The following PLBD1 variants were observed in gnomAD, a reference collection of about 807,000 sequenced individuals.
The protein encoded by PLBD1 is phospholipase B domain containing 1.
Under a neutral mutation model 63.0 loss-of-function variants are expected in PLBD1, and 60 were observed. The observed-to-expected ratio is 0.95, with a 90% confidence interval of 0.77 to 1.18. The LOEUF (loss-of-function observed/expected upper bound fraction) is 1.18. Among genes scored for constraint, PLBD1 ranks in the 50% most tolerant of loss-of-function variants. PLBD1 has a pLI of 0.00. For missense variants in PLBD1, 598 were observed against 677.9 expected (o/e 0.88, Z 1.31); for synonymous variants, 262 against 248.0 (o/e 1.06, Z -0.53).
chr12:14,510,720 C>T (rs745618457), intron 8 of PLBD1, among the ~76,000 whole-genome samples: 9 of 152,142 alleles, frequency 5.9e-5, no homozygotes, highest in African/African-American at 1.2e-4. Flanking sequence ...AATGTCTGGA[C>T]TCCTTCTTGC....
chr12:14,562,636 C>T (rs1376991968), intron 1 of PLBD1, among the ~76,000 whole-genome samples: 2 of 152,118 alleles, frequency 1.3e-5, no homozygotes, highest in Admixed American at 6.6e-5. Context: ...ATTATTAACA[C>T]ATTTTCTAGT....
chr12:14,553,693 A>G, intron 1 of PLBD1: 1 of 490,740 alleles, frequency 2.0e-6, no homozygotes. Flanking sequence ...AGAGGGTGGG[A>G]ATCTGGGCAG....
At chr12:14,540,013 C>CTTAATTATATATATAT (rs1555147086) in intron 4 of PLBD1, among the ~76,000 whole-genome samples, 1 of 22,778 alleles carries the variant, frequency 4.4e-5, no homozygotes, top group African/African-American at 9.8e-5. Flanking sequence ...AAGCTATGCA[C>CTTAATTATATATATAT]ATATATATAT....
intron 2 of PLBD1, among the ~76,000 whole-genome samples, chr12:14,545,645 G>A (rs1040102359): frequency 6.6e-6 from 1 of 152,114 alleles, no homozygotes; most frequent in Non-Finnish European, 1.5e-5. Context: ...CCAAGAATGG[G>A]AATTTGGCTC....
chr12:14,532,156 A>AGAAGCCTATAAGTC (rs1945470445), intron 6 of PLBD1, among the ~76,000 whole-genome samples: 3 of 152,200 alleles, frequency 2.0e-5, no homozygotes, highest in Non-Finnish European at 4.4e-5. Flanking sequence ...TCGAGCTGGA[A>AGAAGCCTATAAGTC]GAGCTGTCCC....
At chr12:14,513,604 CT>C (rs1474276187) in intron 6 of PLBD1, among the ~76,000 whole-genome samples, 2 of 152,112 alleles carry the variant, frequency 1.3e-5, no homozygotes, top group Non-Finnish European at 2.9e-5. Flanking sequence ...TAGTTTCCTG[CT>C]TGCCTCTAAT....
At chr12:14,534,858 C>A (rs746573929) in intron 6 of PLBD1, among the ~76,000 whole-genome samples, 7 of 152,116 alleles carry the variant, frequency 4.6e-5, no homozygotes, top group Non-Finnish European at 8.8e-5. Flanking sequence ...TTAAACCAGT[C>A]CTGCTTTATT....
chr12:14,507,128 A>C lies in PLBD1; in HGVS notation c.1187-10T>G. 6.3e-7 allele frequency: 1 copy of C among 1,580,758 alleles called. No homozygotes were observed. Among genetic ancestry groups the C allele is most frequent in the Non-Finnish European group, 8.7e-7 (1 of 1,153,468 alleles). ...TAGGAGGGCCAATATCCTGATTTGG[A>C]ATGGAAGGGAAGTAAGGGAGGGATT... On this transcript the variant is annotated splice_polypyrimidine_tract_variant and intron_variant, in intron 8 of 10. Transcript: ENST00000240617.
At position 14,553,231 on chromosome 12, in the gene PLBD1, C is replaced by A. The variant is rs747688399; in HGVS notation, c.297G>T (p.Met99Ile). The change falls in exon 2 of 11, where the codon ATG becomes ATT. Residue 99 changes from methionine to isoleucine, a missense_variant. By Grantham distance (10) the Met-to-Ile change is conservative. Coordinates refer to ENST00000240617, the MANE Select transcript of PLBD1 (RefSeq NM_024829.6). ...AACCCTCCAAAAAGCCAGCCACAAA[C>A]ATGATGATCTCATTGCTCAGGGTTT... ...GSQTLSNEIIMFVAGFLEGYL... is the reference protein window; with the variant it reads ...GSQTLSNEIIIFVAGFLEGYL... The A allele has an allele frequency of 1.2e-5, 19 of 1,613,812 alleles. No homozygotes were observed. The highest frequency in any genetic ancestry group is 1.7e-6 in the Non-Finnish European group (2 of 1,179,970).
At chr12:14,535,389 G>T (rs1239520054) in intron 6 of PLBD1, among the ~76,000 whole-genome samples, 1 of 152,188 alleles carries the variant, frequency 6.6e-6, no homozygotes, top group African/African-American at 2.4e-5. Flanking sequence ...TACATACTCA[G>T]TTGGCATTTG....
At chr12:14,520,311 A>G (rs947210867) in intron 6 of PLBD1, among the ~76,000 whole-genome samples, 1 of 152,222 alleles carries the variant, frequency 6.6e-6, no homozygotes, top group Non-Finnish European at 1.5e-5. Context: ...AGCTGCCAAC[A>G]TCTTTCACTG....
chr12:14,506,342 G>A (rs1434534285), intron 9 of PLBD1, 74 bp from the exon 10 acceptor site: 2 of 1,114,876 alleles, frequency 1.8e-6, no homozygotes, highest in Admixed American at 4.1e-5. Flanking sequence ...AAGGTTTTGA[G>A]GCCTGTTAAA....
chr12:14,542,024 G>C (rs1945576387), intron 3 of PLBD1, among the ~76,000 whole-genome samples, 184 bp downstream of exon 3: 1 of 152,198 alleles, frequency 6.6e-6, no homozygotes, highest in South Asian at 2.1e-4. Flanking sequence ...TGAAATTAGA[G>C]AGCATGTTGT....
chr12:14,529,670 A>G (rs992305308), intron 6 of PLBD1, among the ~76,000 whole-genome samples: 18 of 152,318 alleles, frequency 1.2e-4, no homozygotes, highest in African/African-American at 4.3e-4. Context: ...TTAACATCAT[A>G]CTTAATGGTG....
chr12:14,514,278 G>T (rs549193080), intron 6 of PLBD1, among the ~76,000 whole-genome samples: 3 of 152,142 alleles, frequency 2.0e-5, no homozygotes, highest in South Asian at 2.1e-4. Flanking sequence ...GATTGCATTC[G>T]TGTCTTGGGC....
Position 14,540,904 on chromosome 12 carries a change from T to C in PLBD1, c.420-2A>G, listed in dbSNP as rs1364341113. The C allele has an allele frequency of 1.9e-6, 3 of 1,591,938 alleles. No individual in the cohort carries two copies. The highest frequency in any genetic ancestry group is 2.6e-6 in the Non-Finnish European group (3 of 1,164,072). On this transcript the variant is annotated splice_acceptor_variant, in intron 3 of 10. Coordinates refer to ENST00000240617, the MANE Select transcript of PLBD1 (RefSeq NM_024829.6). LOFTEE classifies it high-confidence loss of function. ...TTCCGGGTCCACTTATCTTGCTTCC[T>C]GGAAGAGAAATTAGATTTGCACCAC... is the stretch of plus-strand genomic sequence containing the variant.
intron 1 of PLBD1, among the ~76,000 whole-genome samples, chr12:14,559,163 G>C (rs558589442): frequency 1.2e-4 from 18 of 152,228 alleles, no homozygotes; most frequent in African/African-American, 4.3e-4. Flanking sequence ...ATAGTGAAAA[G>C]GTAGAAAAAT....
chr12:14,515,677 T>A (rs78871400), intron 6 of PLBD1, among the ~76,000 whole-genome samples: 2,853 of 152,302 alleles, frequency 0.019, 88 homozygotes, highest in African/African-American at 0.066. Context: ...GGCAATTTTA[T>A]AGATTATGAA....
chr12:14,518,857 G>A (rs1945354483), intron 6 of PLBD1, among the ~76,000 whole-genome samples: 1 of 151,874 alleles, frequency 6.6e-6, no homozygotes, highest in South Asian at 2.1e-4. Context: ...TTGGCCTGAA[G>A]GTTAGTAAAA....
Sources: gnomAD v4.1 joint callset for allele counts (sites outside exome capture counted in the v4.1 genomes callset) on GRCh38, gnomAD v4.1.1 for gene constraint, MANE v1.5 for transcripts, NCBI Gene and HGNC (gene_info 2026-07-23, HGNC 2026-07-21) for gene names.